DHX38: variants seen among roughly 807,000 people sequenced by gnomAD.
DHX38 encodes pre-mRNA-splicing factor ATP-dependent RNA helicase PRP16.
Under a neutral mutation model 153.1 loss-of-function variants are expected in DHX38, and 100 were observed. The ratio of observed to expected loss-of-function variants is 0.65; its 90% CI spans 0.56 to 0.77. The LOEUF is 0.77. Among genes scored for constraint, DHX38 ranks in the 30% least tolerant of loss-of-function variants. The probability of loss-of-function intolerance (pLI) is 0.00; values close to 1 mark genes in which losing one functional copy is unlikely to be tolerated. For missense variants in DHX38, 1,440 were observed against 1,654.0 expected (o/e 0.87, Z 2.24); for synonymous variants, 650 against 631.7 (o/e 1.03, Z -0.43).
rs773532570 is a variant in DHX38, at chr16:72,104,455, A to T, written c.2011-31A>T. 4 of 1,610,904 alleles carry T rather than the reference A, an allele frequency of 2.5e-6. No individual in the cohort carries two copies. In the African/African-American group the frequency reaches 5.3e-5, roughly 22 times the overall value. On this transcript the variant is annotated intron_variant, in intron 14 of 26. Transcript: ENST00000268482. The surrounding 1 kb of genome is among the most constrained non-coding windows in gnomAD (Gnocchi z 4.5). ...GGGACAGGAGCCAAGGGTCCCCACC[A>T]TGGGGGCCTCCGAGCCGCCTCTTCT... is the stretch of plus-strand genomic sequence containing the variant.
chr16:72,111,208 C>G (rs1391516677), intron 26 of DHX38, 131 bp downstream of exon 26: 1 of 1,350,522 alleles, frequency 7.4e-7, no homozygotes, highest in African/African-American at 1.5e-5. Context: ...ACAGAAGTTG[C>G]TTGTGCATTT....
Position 72,103,685 on chromosome 16 carries a change from A to T in DHX38, c.1721A>T (p.Tyr574Phe). ...QLTQYLHEDG[Y>F]TDYGMIGCTQ... ...ACGCAGTACCTGCATGAAGATGGTT[A>T]CACGGACTATGGGATGATTGGGTGT... Residue 574 changes from tyrosine (Y) to phenylalanine (F), a missense_variant, in exon 13 of 27, where the codon TAC (tyrosine) becomes TTC (phenylalanine). Tyr to Phe is a conservative substitution (Grantham distance 22). Around this residue, in one of 6 missense-constraint regions of DHX38, gnomAD observed 241 missense variants for 229.5 expected, o/e 1.05. Coordinates refer to ENST00000268482, the MANE Select transcript of DHX38 (RefSeq NM_014003.4). 1.2e-6 allele frequency: 2 copies of T among 1,614,186 alleles called. No individual in the cohort carries two copies. The highest frequency in any genetic ancestry group is 1.7e-6 in the Non-Finnish European group (2 of 1,180,032).
Position 72,104,406 on chromosome 16 carries a change from C to A in DHX38, c.2011-80C>A. The A allele has an allele frequency of 6.4e-7, 1 of 1,569,638 alleles. No individual in the cohort carries two copies. Among genetic ancestry groups the A allele is most frequent in the South Asian group, 1.1e-5 (1 of 88,050 alleles). On this transcript the variant is annotated intron_variant, in intron 14 of 26. Transcript: ENST00000268482. The surrounding 1 kb of genome is among the most constrained non-coding windows in gnomAD (Gnocchi z 4.5). ...TTGTCAGCTTTGGCTTGTGTTTCCT[C>A]GGGGGTGGTGCTGATGGGACTGGGG...
At chr16:72,096,565 G>T in intron 2 of DHX38, 85 bp downstream of exon 2, 1 of 1,471,002 alleles carries the variant, frequency 6.8e-7, no homozygotes, top group East Asian at 2.4e-5. Context: ...CAGTTTTCCT[G>T]TTGGAGATTT....
In DHX38 at chr16:72,112,892, T is replaced by C. The variant is rs977873849; in HGVS notation, c.*395T>C. ...TTATAATTCAGGATTTGGAAATAAA[T>C]TTATTATTTGTAAAACATGACTGCA... On this transcript the variant is annotated 3_prime_UTR_variant, in exon 27 of 27. Coordinates refer to ENST00000268482, the MANE Select transcript of DHX38 (RefSeq NM_014003.4). 2.9e-6 allele frequency: 2 copies of C among 695,426 alleles called. No individual in the cohort carries two copies. Among genetic ancestry groups the C allele is most frequent in the African/African-American group, 3.5e-5 (2 of 56,828 alleles). The allele number at this position is 695,426 out of a possible 1,614,324, so 43.1% of individuals were successfully genotyped here. A position where few individuals can be genotyped will look rare whatever the true frequency, so the allele number is the denominator to read the frequency against.
chr16:72,096,406 A>G lies in DHX38; in HGVS notation c.249A>G (p.Glu83=), dbSNP rs1048457400. The stretch of plus-strand genomic sequence containing the variant: ...AAGTCTCCTCCTACAAGGACTGGGA[A>G]GAGAGCAAGGATGACCAGAAGGATG... ...KSKVSSYKDW[E]ESKDDQKDAE... is the part of the protein sequence containing the mutation. The change falls in exon 2 of 27, where the codon GAA becomes GAG. Residue 83 remains glutamate, a synonymous_variant. Transcript: ENST00000268482. The G allele has an allele frequency of 1.2e-6, 2 of 1,614,016 alleles. No individual in the cohort carries two copies. Among genetic ancestry groups the G allele is most frequent in the Non-Finnish European group, 1.7e-6 (2 of 1,180,024 alleles).
chr16:72,097,125 A>T, intron 3 of DHX38, 116 bp downstream of exon 3: 1 of 1,191,670 alleles, frequency 8.4e-7, no homozygotes, highest in East Asian at 2.6e-5. Context: ...TATTTGCATG[A>T]TGTCCGCCTG....
In DHX38 at chr16:72,107,561, C is replaced by T. The variant is rs777260125; in HGVS notation, c.2809+13C>T. On this transcript the variant is annotated intron_variant, in intron 20 of 26. Transcript: ENST00000268482. This position sits in a 1 kb window ranked among gnomAD's most constrained non-coding sequence, Gnocchi z 5.3. ...CTGGACAACACAGGTGAGGCGGCCC[C>T]GGGAGCCTCATGGGTGCTGGCGCTT... The T allele has an allele frequency of 2.0e-5, 33 of 1,610,344 alleles. No individual in the cohort carries two copies. Among genetic ancestry groups the T allele is most frequent in the East Asian group, 2.0e-4 (9 of 44,792 alleles).
At chr16:72,103,888 G>T in intron 13 of DHX38, 58 bp from the exon 14 acceptor site, 1 of 1,606,102 alleles carries the variant, frequency 6.2e-7, no homozygotes, top group South Asian at 1.1e-5. Flanking sequence ...CCCCAGTACG[G>T]GGTGTGCTGG....
rs1182535865 is a variant in DHX38, at chr16:72,104,360, G to T, written c.2011-126G>T. 3 of 1,360,740 alleles carry T rather than the reference G, an allele frequency of 2.2e-6. No individual in the cohort carries two copies. The highest frequency in any genetic ancestry group is 1.5e-5 in the African/African-American group (1 of 68,512). 84.3% of individuals were successfully genotyped at this position (1,360,740 alleles called of 1,614,324 possible). A position where few individuals can be genotyped will look rare whatever the true frequency, so the allele number is the denominator to read the frequency against. ...TCCATTGCTTCAGTCTTCATGATTGGTAAGAATTGAATAGGCCCATTTGTC... is the reference window on the plus strand; with the variant it reads ...TCCATTGCTTCAGTCTTCATGATTGTTAAGAATTGAATAGGCCCATTTGTC... On this transcript the variant is annotated intron_variant, in intron 14 of 26. Coordinates refer to ENST00000268482, the MANE Select transcript of DHX38 (RefSeq NM_014003.4). The surrounding 1 kb of genome is among the most constrained non-coding windows in gnomAD (Gnocchi z 4.5).
intron 13 of DHX38, 41 bp downstream of exon 13, chr16:72,103,829 G>A: frequency 6.3e-7 from 1 of 1,598,818 alleles, no homozygotes; most frequent in Non-Finnish European, 8.6e-7. Context: ...TTATTCCCTA[G>A]TAGCTTCCAC....
intron 11 of DHX38, among the ~76,000 whole-genome samples, chr16:72,102,607 T>C (rs764652452): frequency 1.2e-4 from 18 of 152,226 alleles, no homozygotes; most frequent in Non-Finnish European, 2.2e-4. Context: ...TATGCTTTCC[T>C]GCTGTCCTGC....
rs1281884565 is a variant in DHX38, at chr16:72,108,556, C to A, written c.3204C>A (p.Ile1068=). The part of the protein sequence containing the change: ...SLASCGTDWD[I]VRKCICAAYF... Reference sequence around the variant, plus strand: ...CCTCGTGTGGCACTGACTGGGACATCGTCAGGAAGTGCATCTGTGCTGCCT... The same window carrying A: ...CCTCGTGTGGCACTGACTGGGACATAGTCAGGAAGTGCATCTGTGCTGCCT... The change falls in exon 23 of 27, where the codon ATC becomes ATA. Residue 1068 remains isoleucine (I), a synonymous_variant. Transcript: ENST00000268482. The A allele has an allele frequency of 1.2e-6, 2 of 1,614,026 alleles. No individual in the cohort carries two copies. Among genetic ancestry groups the A allele is most frequent in the African/African-American group, 1.3e-5 (1 of 74,910 alleles).
In DHX38 at chr16:72,099,056, T is replaced by A; in HGVS notation, c.883+11T>A. The A allele has an allele frequency of 6.2e-7, 1 of 1,612,184 alleles. No homozygotes were observed. Among genetic ancestry groups the A allele is most frequent in the Non-Finnish European group, 8.5e-7 (1 of 1,179,828 alleles). On this transcript the variant is annotated intron_variant, in intron 6 of 26. Coordinates refer to ENST00000268482, the MANE Select transcript of DHX38 (RefSeq NM_014003.4). ...TGTCCAGGGGCCGAGGTGAGGCCTG[T>A]GGGGCAGCAGGCAGAAGAGCAGGCT...
In DHX38 at chr16:72,104,736, C is replaced by A; in HGVS notation, c.2151+110C>A. On this transcript the variant is annotated intron_variant, in intron 15 of 26. Coordinates refer to ENST00000268482, the MANE Select transcript of DHX38 (RefSeq NM_014003.4). The surrounding 1 kb of genome is among the most constrained non-coding windows in gnomAD (Gnocchi z 4.5). The stretch of plus-strand genomic sequence containing the variant: ...TAGGGGACTGGGTTGGAGAAGATTT[C>A]CTGGGGACCATGGGGCAAATGGGGC... The A allele has an allele frequency of 6.6e-7, 1 of 1,507,198 alleles. No homozygotes were observed. Among genetic ancestry groups the A allele is most frequent in the Non-Finnish European group, 9.0e-7 (1 of 1,107,718 alleles). The allele number at this position is 1,507,198 out of a possible 1,614,324, so 93.4% of individuals were successfully genotyped here.
intron 8 of DHX38, 47 bp downstream of exon 8, chr16:72,099,934 A>C (rs1161584988): frequency 6.4e-7 from 1 of 1,558,748 alleles, no homozygotes; most frequent in Non-Finnish European, 8.7e-7. Context: ...CTGGAGGTAG[A>C]GCACGTGGGG....
Position 72,099,032 on chromosome 16 carries a change from G to C in DHX38, c.870G>C (p.Leu290=), listed in dbSNP as rs1471648627. Reference sequence around the variant, plus strand: ...GACACTTGGGGTCCACCCCGCGTCTGTCCAGGGGCCGAGGTGAGGCCTGTG... The same window carrying C: ...GACACTTGGGGTCCACCCCGCGTCTCTCCAGGGGCCGAGGTGAGGCCTGTG... ...DRRHLGSTPR[L]SRGRGRREEG... The change falls in exon 6 of 27, where the codon CTG becomes CTC. Residue 290 remains leucine (L), a synonymous_variant. Coordinates refer to ENST00000268482, the MANE Select transcript of DHX38 (RefSeq NM_014003.4). 6.2e-7 allele frequency: 1 copy of C among 1,612,748 alleles called. No individual in the cohort carries two copies. The highest frequency in any genetic ancestry group is 2.2e-5 in the East Asian group (1 of 44,882).
At chr16:72,105,879 A>G in intron 18 of DHX38, 126 bp from the exon 19 acceptor site, 1 of 859,638 alleles carries the variant, frequency 1.2e-6, no homozygotes, top group Non-Finnish European at 1.9e-6. Flanking sequence ...TGTTCATGAG[A>G]ACATTTCTAG....
chr16:72,100,679 C>A (rs779809649), intron 9 of DHX38, 82 bp downstream of exon 9: 109 of 1,556,670 alleles, frequency 7.0e-5, no homozygotes, highest in Admixed American at 1.1e-4. Context: ...GCCTGTCATC[C>A]CGGCACTTTG....
Sources: allele counts gnomAD v4.1 joint callset (sites outside exome capture counted in the v4.1 genomes callset), GRCh38; gene constraint gnomAD v4.1.1; regional missense constraint gnomAD v4.1.1; non-coding constraint Gnocchi (gnomAD v3.1); transcripts MANE v1.5; gene names NCBI Gene and HGNC (gene_info 2026-07-23, HGNC 2026-07-21).